The following HEATR4 variants were observed in gnomAD, a reference collection of about 807,000 sequenced individuals.
HEATR4 encodes HEAT repeat containing 4.
HEATR4 carries 95 observed loss-of-function variants against 108.8 expected under a neutral mutation model. The observed-to-expected ratio is 0.87, with a 90% CI of 0.74 to 1.04. HEATR4 has a LOEUF of 1.04. HEATR4 is among the 50% of genes least tolerant of loss of function. The pLI, the probability that HEATR4 is intolerant of heterozygous loss-of-function variation, is 0.00. For missense variants in HEATR4, 1,152 were observed against 1,253.8 expected, an observed-to-expected ratio of 0.92 and a Z score of 1.23; for synonymous variants, 443 against 459.4, an observed-to-expected ratio of 0.96 and a Z score of 0.46.
At chr14:73,584,034 C>T in the HEATR4 span, among the ~76,000 whole-genome samples, 2 of 151,784 alleles carry the variant, frequency 1.3e-5, no homozygotes, top group Non-Finnish European at 2.9e-5. Context: ...CTATGTATGA[C>T]CTTTCCAGGA....
At chr14:73,500,852 A>G (rs970588898) in intron 11 of HEATR4, 122 bp from the exon 12 acceptor site, 26 of 829,404 alleles carry the variant, frequency 3.1e-5, no homozygotes, top group Non-Finnish European at 4.3e-5. Context: ...ATTCAGCCTT[A>G]TGCTCATGAG....
chr14:73,490,923 C>A, intron 17 of HEATR4: 1 of 1,249,870 alleles, frequency 8.0e-7, no homozygotes, highest in Non-Finnish European at 1.0e-6. Flanking sequence ...GGAGGCCGCG[C>A]CCCCTTCCCA....
the HEATR4 span, among the ~76,000 whole-genome samples, chr14:73,578,180 T>C: frequency 2.6e-5 from 4 of 151,136 alleles, no homozygotes; most frequent in Non-Finnish European, 4.4e-5. Context: ...TGAAAAATTT[T>C]AAAAAGCATC....
At chr14:73,499,261 A>G (rs569727420) in intron 12 of HEATR4, 121 bp from the exon 13 acceptor site, 2 of 809,120 alleles carry the variant, frequency 2.5e-6, no homozygotes, top group East Asian at 5.0e-5. Flanking sequence ...TGGGCGGATC[A>G]CTTGACATCA....
At chr14:73,629,056 CA>C in the HEATR4 span, among the ~76,000 whole-genome samples, 1,058 of 136,730 alleles carry the variant, frequency 7.7e-3, 15 homozygotes, top group African/African-American at 0.027. Flanking sequence ...AGTATGTTCC[CA>C]AAAAAAAAAA....
At chr14:73,522,148 G>T (rs907958437) in intron 3 of HEATR4, 124 bp downstream of exon 3, 52 of 985,598 alleles carry the variant, frequency 5.3e-5, no homozygotes, top group South Asian at 4.9e-4. Flanking sequence ...GAGCAGGCCG[G>T]TGGTGGAGAA....
the HEATR4 span, chr14:73,593,669 A>G: frequency 6.4e-7 from 1 of 1,559,278 alleles, no homozygotes; most frequent in Non-Finnish European, 8.7e-7. Flanking sequence ...TAAATTGTAT[A>G]ATGGCTTACA....
At chr14:73,576,250 C>T in the HEATR4 span, among the ~76,000 whole-genome samples, 3 of 151,914 alleles carry the variant, frequency 2.0e-5, no homozygotes, top group African/African-American at 7.3e-5. Flanking sequence ...GATTTGAGTT[C>T]CTCCTTTAAG....
chr14:73,563,362 A>G (rs1889557521), upstream of HEATR4, among the ~76,000 whole-genome samples: 1 of 152,102 alleles, frequency 6.6e-6, no homozygotes, highest in Non-Finnish European at 1.5e-5. Context: ...TGGGAGGCTG[A>G]GGCAGGCCGA....
intron 5 of HEATR4, 76 bp downstream of exon 5, chr14:73,518,947 T>A: frequency 1.4e-6 from 2 of 1,460,192 alleles, no homozygotes; most frequent in South Asian, 2.7e-5. Flanking sequence ...CTCTAGCACA[T>A]GAATAGTGGG....
At chr14:73,577,669 G>C in the HEATR4 span, among the ~76,000 whole-genome samples, 1 of 151,846 alleles carries the variant, frequency 6.6e-6, no homozygotes, top group South Asian at 2.1e-4. Flanking sequence ...TGAGACCTTA[G>C]GGACCCTATT....
chr14:73,513,213 C>G (rs1021846981), intron 6 of HEATR4, among the ~76,000 whole-genome samples: 3 of 152,226 alleles, frequency 2.0e-5, no homozygotes, highest in Admixed American at 1.3e-4. Flanking sequence ...AATCCCAGCA[C>G]TTTGGGAGGC....
the HEATR4 span, chr14:73,595,459 G>A: frequency 6.0e-5 from 97 of 1,614,084 alleles, no homozygotes; most frequent in Non-Finnish European, 7.3e-5. Flanking sequence ...GTTACCCTGG[G>A]ACTGGGCATT....
the HEATR4 span, among the ~76,000 whole-genome samples, chr14:73,628,280 T>A: frequency 6.6e-6 from 1 of 151,914 alleles, no homozygotes; most frequent in African/African-American, 2.4e-5. Context: ...CAAATATATA[T>A]TTCACAATAT....
At chr14:73,595,094 G>A in the HEATR4 span, 1 of 1,613,988 alleles carries the variant, frequency 6.2e-7, no homozygotes, top group African/African-American at 1.3e-5. Flanking sequence ...TCTAGGAGCT[G>A]ATATTTGTCT....
intron 3 of HEATR4, among the ~76,000 whole-genome samples, chr14:73,522,025 C>T (rs1888001181): frequency 6.6e-6 from 1 of 152,216 alleles, no homozygotes; most frequent in African/African-American, 2.4e-5. Context: ...GGGTATGAGC[C>T]AGGGATGCTG....
At chr14:73,521,255 C>T (rs1887961888) in intron 3 of HEATR4, among the ~76,000 whole-genome samples, 1 of 152,114 alleles carries the variant, frequency 6.6e-6, no homozygotes, top group Admixed American at 6.5e-5. Context: ...TCCTGCCTGG[C>T]TACTAAAGGA....
chr14:73,515,081 C>CA lies in HEATR4; in HGVS notation c.1211-848dup, dbSNP rs1233751168. The stretch of plus-strand genomic sequence containing the variant: ...AGACTCCGTTCTCAAAAAAAAAAAA[C>CA]AAAAAAAAAACTATAGTTATATTTT... On this transcript the variant is annotated intron_variant, in intron 5 of 17. Transcript: ENST00000553558. 7.8e-3 allele frequency among the ~76,000 whole-genome samples: 1,050 copies of CA among 135,152 alleles called. 12 individuals are homozygous for CA. Among genetic ancestry groups the CA allele is most frequent in the African/African-American group, 0.027 (970 of 36,122 alleles). The allele number at this position is 135,152 out of a possible 152,430, so 88.7% of individuals were successfully genotyped here.
At chr14:73,561,709 T>C (rs1379412667), upstream of HEATR4, among the ~76,000 whole-genome samples, 1 of 151,050 alleles carries the variant, frequency 6.6e-6, no homozygotes, top group African/African-American at 2.4e-5. Flanking sequence ...AATGGCTGTG[T>C]GAGGTGGCTC....
Sources: gnomAD v4.1 joint callset for allele counts (sites outside exome capture counted in the v4.1 genomes callset) on GRCh38, gnomAD v4.1.1 for gene constraint, MANE v1.5 for transcripts, NCBI Gene and HGNC (gene_info 2026-07-23, HGNC 2026-07-21) for gene names.